Variants in THBS1 observed in about 807,000 individuals in gnomAD.
THBS1 encodes the protein thrombospondin-1.
THBS1 carries 29 observed loss-of-function variants against 126.1 expected under a neutral mutation model. That is an observed-to-expected ratio of 0.23 (90% confidence interval 0.17 to 0.31). The LOEUF (loss-of-function observed/expected upper bound fraction) is 0.31. THBS1 is among the 10% of genes least tolerant of loss of function. The probability of loss-of-function intolerance (pLI) is 1.00; values close to 1 mark genes in which losing one functional copy is unlikely to be tolerated. For synonymous variants in THBS1, 496 were observed against 577.8 expected, an observed-to-expected ratio of 0.86 and a Z score of 2.03; for missense variants, 1,198 against 1,545.2, an observed-to-expected ratio of 0.78 and a Z score of 3.77.
Position 39,593,046 on chromosome 15 carries a change from T to C in THBS1, c.2814T>C (p.Ser938=). ...GCAAAGATGATTTTGACCATGACAG[T>C]GTGCCAGACATCGATGACATCTGTC... The part of the protein sequence containing the change: ...DACKDDFDHD[S]VPDIDDICPE... Residue 938 remains serine, a synonymous_variant, in exon 18 of 22, where the codon AGT becomes AGC. Coordinates refer to ENST00000260356, the MANE Select transcript of THBS1 (RefSeq NM_003246.4). The surrounding 1 kb of genome is among the most constrained non-coding windows in gnomAD (Gnocchi z 5.9). 6.2e-7 allele frequency: 1 copy of C among 1,610,632 alleles called. No individual in the cohort carries two copies. The highest frequency in any genetic ancestry group is 8.5e-7 in the Non-Finnish European group (1 of 1,178,584).
chr15:39,584,541 G>T, intron 6 of THBS1, 119 bp downstream of exon 6: 9 of 1,350,104 alleles, frequency 6.7e-6, no homozygotes, highest in South Asian at 3.0e-5. Flanking sequence ...TGATAACAAA[G>T]TGTTTTTTTT....
intron 3 of THBS1, 40 bp downstream of exon 3, chr15:39,582,792 T>C: frequency 6.4e-7 from 1 of 1,558,762 alleles, no homozygotes; most frequent in South Asian, 1.2e-5. Context: ...TGGGATCATC[T>C]GCTAGACAGG....
Position 39,595,789 on chromosome 15 carries a change from C to T in THBS1, c.*420C>T. ...GAATTAGCAAACAAAACCACCCTGA[C>T]ATCCTCCTTCAGGAACACGGGGAGC... On this transcript the variant is annotated 3_prime_UTR_variant, in exon 22 of 22. Coordinates refer to ENST00000260356, the MANE Select transcript of THBS1 (RefSeq NM_003246.4). 2.2e-6 allele frequency: 1 copy of T among 463,242 alleles called. No individual in the cohort carries two copies. Among genetic ancestry groups the T allele is most frequent in the Admixed American group, 2.3e-5 (1 of 42,782 alleles). 28.7% of individuals were successfully genotyped at this position (463,242 alleles called of 1,614,324 possible). A position where few individuals can be genotyped will look rare whatever the true frequency, so the allele number is the denominator to read the frequency against.
Position 39,594,241 on chromosome 15 carries a change from AC to A in THBS1, c.3365+46del. ...CTTTCACTTACAGTCACACTGAGGGACAAAAAGACAAAAAGTATTAAATAGC... is the reference window on the plus strand; with the variant it reads ...CTTTCACTTACAGTCACACTGAGGGAAAAAAGACAAAAAGTATTAAATAGC... On this transcript the variant is annotated intron_variant, in intron 20 of 21. Transcript: ENST00000260356. The surrounding 1 kb of genome is among the most constrained non-coding windows in gnomAD (Gnocchi z 4.4). 6.2e-7 allele frequency: 1 copy of A among 1,613,686 alleles called. No homozygotes were observed. The highest frequency in any genetic ancestry group is 8.5e-7 in the Non-Finnish European group (1 of 1,179,648).
chr15:39,593,012 G>A lies in THBS1; in HGVS notation c.2780G>A (p.Gly927Asp), dbSNP rs1258822045. 1.2e-6 allele frequency: 2 copies of A among 1,613,422 alleles called. No individual in the cohort carries two copies. The highest frequency in any genetic ancestry group is 1.7e-6 in the Non-Finnish European group (2 of 1,179,876). ...TTTTTGACCTCAGGCGATGGTCGAG[G>A]TGATGCCTGCAAAGATGATTTTGAC... is the stretch of plus-strand genomic sequence containing the variant. Reference protein sequence around the residue: ...DQKDSDGDGRGDACKDDFDHD... With the variant: ...DQKDSDGDGRDDACKDDFDHD... The change falls in exon 18 of 22, where the codon GGT (glycine) becomes GAT (aspartate). Residue 927 changes from glycine (G) to aspartate (D), a missense_variant. Transcript: ENST00000260356. The surrounding 1 kb of genome is among the most constrained non-coding windows in gnomAD (Gnocchi z 5.9).
rs1267330202 is a variant in THBS1, at chr15:39,599,044, G to A, written c.*3675G>A. On this transcript the variant is annotated 3_prime_UTR_variant, in exon 22 of 22. Transcript: ENST00000260356. ...TCAAGCAATTCTCCCTCCTGCCTCA[G>A]CCTCCCAAGTAGCTGGGACTACAAG... is the stretch of plus-strand genomic sequence containing the variant. The A allele has an allele frequency of 1.3e-5, 2 of 152,110 alleles. No individual in the cohort carries two copies. Among genetic ancestry groups the A allele is most frequent in the Non-Finnish European group, 2.9e-5 (2 of 68,042 alleles). The allele number at this position is 152,110 out of a possible 1,614,324, so 9.4% of individuals were successfully genotyped here.
rs983414289 is a variant in THBS1 at position 39,592,724 on chromosome 15, G to A, written c.2689G>A (p.Asp897Asn). The A allele has an allele frequency of 6.2e-6, 10 of 1,614,198 alleles. No homozygotes were observed. Among genetic ancestry groups the A allele is most frequent in the South Asian group, 1.1e-5 (1 of 91,090 alleles). Residue 897 changes from aspartate to asparagine, a missense_variant, in exon 17 of 22, where the codon GAT (aspartate) becomes AAT (asparagine). By Grantham distance (23) the Asp-to-Asn change is conservative. Transcript: ENST00000260356. This position sits in a 1 kb window ranked among gnomAD's most constrained non-coding sequence, Gnocchi z 4.3. ...TGGCAAGGGAGATGCCTGTGACCACGATGATGACAACGATGGCATTCCTGA... is the reference window on the plus strand; with the variant it reads ...TGGCAAGGGAGATGCCTGTGACCACAATGATGACAACGATGGCATTCCTGA... ...KDGKGDACDH[D>N]DDNDGIPDDK... is the part of the protein sequence containing the mutation.
At chr15:39,587,660 C>T (rs752175595) in intron 8 of THBS1, 140 bp downstream of exon 8, 7 of 885,646 alleles carry the variant, frequency 7.9e-6, no homozygotes, top group Non-Finnish European at 1.0e-5. Flanking sequence ...GCTGTGCACC[C>T]TTGAACACAA....
intron 2 of THBS1, 47 bp downstream of exon 2, chr15:39,581,971 T>C: frequency 6.2e-7 from 1 of 1,601,460 alleles, no homozygotes; most frequent in Non-Finnish European, 8.6e-7. Context: ...AAGGAAGAGG[T>C]GCTGGCTATC....
At position 39,594,460 on chromosome 15, in the gene THBS1, G is replaced by A. The variant is rs772665516; in HGVS notation, c.3505+20G>A. ...GTAGAGGTAAGAGCAACATCACCAT[G>A]AATGTACACTGGACATCTCTATTTC... On this transcript the variant is annotated intron_variant, in intron 21 of 21. Coordinates refer to ENST00000260356, the MANE Select transcript of THBS1 (RefSeq NM_003246.4). The surrounding 1 kb of genome is among the most constrained non-coding windows in gnomAD (Gnocchi z 4.4). 6.2e-7 allele frequency: 1 copy of A among 1,612,446 alleles called. No homozygotes were observed. The highest frequency in any genetic ancestry group is 1.3e-5 in the African/African-American group (1 of 74,902).
chr15:39,581,676 C>CTCTCTCTCTCTCTCTCTCTCTCTCTCT, intron 1 of THBS1, 153 bp from the exon 2 acceptor site: 1 of 539,694 alleles, frequency 1.9e-6, no homozygotes, highest in East Asian at 2.9e-5. Flanking sequence ...CTCATGCTCT[C>CTCTCTCTCTCTCTCTCTCTCTCTCTCT]TGGAAAGTAA....
At chr15:39,588,003 A>G in intron 8 of THBS1, 39 bp from the exon 9 acceptor site, 1 of 1,595,446 alleles carries the variant, frequency 6.3e-7, no homozygotes, top group Non-Finnish European at 8.6e-7. Flanking sequence ...GGCTGTCTCT[A>G]AGCCAAAACC....
At position 39,583,664 on chromosome 15, in the gene THBS1, C is replaced by T. The variant is rs112782285; in HGVS notation, c.675C>T (p.Asp225=). The change falls in exon 4 of 22, where the codon GAC becomes GAT. Residue 225 remains aspartate (D), a synonymous_variant. Coordinates refer to ENST00000260356, the MANE Select transcript of THBS1 (RefSeq NM_003246.4). ...VRFVFGTTPE[D]ILRNKGCSSS... is the part of the protein sequence containing the mutation. Reference sequence around the variant, plus strand: ...TTGTCTTTGGAACCACACCAGAAGACATCCTCAGGAACAAAGGCTGCTCCA... The same window carrying T: ...TTGTCTTTGGAACCACACCAGAAGATATCCTCAGGAACAAAGGCTGCTCCA... 1.7e-3 allele frequency: 2,744 copies of T among 1,612,350 alleles called. 48 individuals are homozygous for T. The African/African-American group carries it at 0.033, about 19-fold the overall frequency.
At position 39,596,083 on chromosome 15, in the gene THBS1, A is replaced by G; in HGVS notation, c.*714A>G. The G allele has an allele frequency of 2.8e-6, 1 of 355,248 alleles. No homozygotes were observed. The highest frequency in any genetic ancestry group is 2.2e-5 in the South Asian group (1 of 46,444). 22.0% of individuals were successfully genotyped at this position (355,248 alleles called of 1,614,324 possible). On this transcript the variant is annotated 3_prime_UTR_variant, in exon 22 of 22. Coordinates refer to ENST00000260356, the MANE Select transcript of THBS1 (RefSeq NM_003246.4). ...CTGCAGTGGCCAGAATTAGGGAATC[A>G]GAATCAAACCAGTGTAAGGCAGTGC...
intron 10 of THBS1, 126 bp downstream of exon 10, chr15:39,588,825 T>C (rs1036059527): frequency 6.3e-7 from 1 of 1,577,880 alleles, no homozygotes; most frequent in African/African-American, 1.3e-5. Flanking sequence ...AAGATGCAGG[T>C]GGACAACATA....
chr15:39,588,460 A>G, intron 9 of THBS1, 66 bp from the exon 10 acceptor site: 1 of 1,500,794 alleles, frequency 6.7e-7, no homozygotes, highest in Non-Finnish European at 8.9e-7. Context: ...GGCTTAGGAG[A>G]GTCTATGACA....
Position 39,594,034 on chromosome 15 carries a change from G to C in THBS1, c.3268-65G>C. 3 of 1,492,550 alleles carry C rather than the reference G, an allele frequency of 2.0e-6. No individual in the cohort carries two copies. Among genetic ancestry groups the C allele is most frequent in the Non-Finnish European group, 2.7e-6 (3 of 1,095,210 alleles). The allele number at this position is 1,492,550 out of a possible 1,614,324, so 92.5% of individuals were successfully genotyped here. ...TACCTTTCAAGCATTGTTTCTGATG[G>C]AATGAAATAGAAATCTTTACCTGAA... On this transcript the variant is annotated intron_variant, in intron 19 of 21. Transcript: ENST00000260356. The surrounding 1 kb of genome is among the most constrained non-coding windows in gnomAD (Gnocchi z 4.4).
chr15:39,582,067 A>C, intron 2 of THBS1, 126 bp from the exon 3 acceptor site: 1 of 1,332,106 alleles, frequency 7.5e-7, no homozygotes, highest in Non-Finnish European at 1.0e-6. Context: ...CCTGGTATTT[A>C]TTCACCTCTT....
Position 39,582,281 on chromosome 15 carries a change from C to T in THBS1, c.156C>T (p.Pro52=), listed in dbSNP as rs764557814. 24 of 1,614,068 alleles carry T rather than the reference C, an allele frequency of 1.5e-5. No individual in the cohort carries two copies. The highest frequency in any genetic ancestry group is 4.5e-5 in the East Asian group (2 of 44,896). ...KGSGRRLVKG[P]DPSSPAFRIE... is the part of the protein sequence containing the mutation. ...CTGGGCGCCGACTGGTGAAGGGCCCCGACCCTTCCAGCCCAGCTTTCCGCA... is the reference window on the plus strand; with the variant it reads ...CTGGGCGCCGACTGGTGAAGGGCCCTGACCCTTCCAGCCCAGCTTTCCGCA... The change falls in exon 3 of 22, where the codon CCC becomes CCT. Residue 52 remains proline, a synonymous_variant. Transcript: ENST00000260356.
Sources: gnomAD v4.1 joint callset for allele counts on GRCh38, gnomAD v4.1.1 for gene constraint, Gnocchi (gnomAD v3.1) non-coding constraint, MANE v1.5 for transcripts, NCBI Gene and HGNC (gene_info 2026-07-23, HGNC 2026-07-21) for gene names.